Variants in VPS53 observed in about 807,000 individuals in gnomAD.
The protein encoded by VPS53 is VPS53 subunit of GARP complex, also known as vacuolar protein sorting-associated protein 53 homolog.
VPS53 carries 70 observed loss-of-function variants against 107.0 expected under a neutral mutation model. That is an observed-to-expected ratio of 0.65 (90% CI 0.54 to 0.80). VPS53 has a LOEUF of 0.80. Ranked by LOEUF, VPS53 falls within the 30% of genes least tolerant of loss-of-function variation. The pLI, the probability that VPS53 is intolerant of heterozygous loss-of-function variation, is 0.00. For synonymous variants in VPS53, 409 were observed against 393.3 expected, an observed-to-expected ratio of 1.04 and a Z score of -0.47; for missense variants, 917 against 1,049.4, an observed-to-expected ratio of 0.87 and a Z score of 1.74.
At chr17:676,338 T>A (rs1205054607) in intron 4 of VPS53, 4 of 152,248 alleles carry the variant, frequency 2.6e-5, no homozygotes, top group African/African-American at 9.6e-5. Flanking sequence ...CTCAGTGACT[T>A]CTTGTATCAA....
chr17:658,698 CGTGAGTT>C (rs1971315623), intron 5 of VPS53, among the ~76,000 whole-genome samples: 2 of 143,978 alleles, frequency 1.4e-5, no homozygotes, highest in South Asian at 4.6e-4. Context: ...GACACTCGGC[CGTGAGTT>C]CGTGGATAGA....
intron 2 of VPS53, among the ~76,000 whole-genome samples, chr17:707,387 G>A (rs1973447631): frequency 1.3e-5 from 2 of 151,750 alleles, no homozygotes; most frequent in South Asian, 2.1e-4. Context: ...CCGCGTAGTG[G>A]CAGGCCCCTG....
chr17:687,078 A>C (rs1305837896), intron 4 of VPS53, among the ~76,000 whole-genome samples: 1 of 152,166 alleles, frequency 6.6e-6, no homozygotes, highest in Non-Finnish European at 1.5e-5. Context: ...TGAGATCAGA[A>C]GTTCAAGACC....
intron 12 of VPS53, among the ~76,000 whole-genome samples, chr17:599,762 A>AT (rs957536815): frequency 5.0e-5 from 6 of 120,506 alleles, no homozygotes; most frequent in Admixed American, 8.2e-5. Context: ...AAATAAATAA[A>AT]TTAAAAAAAA....
chr17:630,286 C>T lies in VPS53; in HGVS notation c.687+1264G>A, dbSNP rs111235896. On this transcript the variant is annotated intron_variant, in intron 8 of 21. Coordinates refer to ENST00000437048, the MANE Select transcript of VPS53 (RefSeq NM_001128159.3). ...TAGCCTGGGCCAAAGAGTGAAACTCCGTCAAAAAAAAAACAAACAAACAAA... is the reference window on the plus strand; with the variant it reads ...TAGCCTGGGCCAAAGAGTGAAACTCTGTCAAAAAAAAAACAAACAAACAAA... Among the ~76,000 whole-genome samples the T allele has an allele frequency of 9.9e-3, 1,484 of 150,118 alleles. 26 individuals are homozygous for T. The highest frequency in any genetic ancestry group is 0.034 in the African/African-American group (1,386 of 40,728).
At chr17:565,763 TC>T (rs981865304) in intron 13 of VPS53, among the ~76,000 whole-genome samples, 4 of 152,068 alleles carry the variant, frequency 2.6e-5, no homozygotes, top group African/African-American at 9.7e-5. Context: ...CTGTGTGACG[TC>T]CTGGCCAAAA....
intron 17 of VPS53, among the ~76,000 whole-genome samples, chr17:539,678 T>G (rs1910445104): frequency 6.6e-6 from 1 of 152,208 alleles, no homozygotes; most frequent in African/African-American, 2.4e-5. Context: ...CAGCCTCAGA[T>G]GGCTGATGCT....
rs547730434 is a variant in VPS53 at position 633,911 on chromosome 17, A to G, written c.609-2283T>C. Reference sequence around the variant, plus strand: ...GGTGCCAGGTCACAGGACAGCTTCCAGAGGCTCAGGCCCCCCCTGTTCCTA... The same window carrying G: ...GGTGCCAGGTCACAGGACAGCTTCCGGAGGCTCAGGCCCCCCCTGTTCCTA... On this transcript the variant is annotated intron_variant, in intron 7 of 21. Coordinates refer to ENST00000437048, the MANE Select transcript of VPS53 (RefSeq NM_001128159.3). Among the ~76,000 whole-genome samples the G allele has an allele frequency of 6.6e-5, 10 of 152,346 alleles. No individual in the cohort carries two copies. In the South Asian group the frequency reaches 1.9e-3, roughly 28 times the overall value.
At chr17:565,419 A>G (rs867732076) in intron 13 of VPS53, among the ~76,000 whole-genome samples, 8 of 151,436 alleles carry the variant, frequency 5.3e-5, no homozygotes, top group East Asian at 1.9e-4. Context: ...AAAAAAAAAA[A>G]AAAAAAAGAA....
chr17:695,291 T>G (rs982122323), intron 4 of VPS53, among the ~76,000 whole-genome samples: 1 of 152,156 alleles, frequency 6.6e-6, no homozygotes, highest in Non-Finnish European at 1.5e-5. Context: ...TCTGATTCCT[T>G]GGTGTATTCA....
chr17:654,666 G>A (rs1193451660), intron 6 of VPS53, among the ~76,000 whole-genome samples: 1 of 150,090 alleles, frequency 6.7e-6, no homozygotes, highest in African/African-American at 2.5e-5. Context: ...GAACCCGGGA[G>A]GCGGAGCTTG....
In VPS53 at chr17:560,450, C is replaced by G; in HGVS notation, c.1680G>C (p.Glu560Asp). ...CCTGCTGGGTGGTGGCCAGACAGTA[C>G]TCTGCCGTGCTCAGGATGTTACAGA... ...CLICNILSTA[E>D]YCLATTQQLE... Residue 560 changes from glutamate (E) to aspartate (D), a missense_variant, in exon 15 of 22, where the codon GAG (glutamate) becomes GAC (aspartate). By Grantham distance (45) the Glu-to-Asp change is conservative. Transcript: ENST00000437048. 1 of 1,612,498 alleles carries G rather than the reference C, an allele frequency of 6.2e-7. No homozygotes were observed. Among genetic ancestry groups the G allele is most frequent in the Non-Finnish European group, 8.5e-7 (1 of 1,179,958 alleles).
At chr17:629,505 C>A (rs1056452007) in intron 8 of VPS53, among the ~76,000 whole-genome samples, 5 of 152,098 alleles carry the variant, frequency 3.3e-5, no homozygotes, top group Non-Finnish European at 5.9e-5. Flanking sequence ...CGCCTGTAAT[C>A]CCAGCACTTT....
intron 3 of VPS53, 69 bp downstream of exon 3, chr17:699,262 C>T (rs1973107208): frequency 1.5e-6 from 2 of 1,298,540 alleles, no homozygotes; most frequent in African/African-American, 3.1e-5. Flanking sequence ...AAATGTGATC[C>T]AGAATGTGAT....
chr17:565,848 A>G (rs1913451328), intron 13 of VPS53, among the ~76,000 whole-genome samples: 2 of 152,190 alleles, frequency 1.3e-5, no homozygotes, highest in Non-Finnish European at 1.5e-5. Flanking sequence ...AACTTCTGTC[A>G]TCTGCCACCC....
chr17:627,763 G>A (rs1377630639), intron 9 of VPS53, among the ~76,000 whole-genome samples: 7 of 103,474 alleles, frequency 6.8e-5, no homozygotes, highest in African/African-American at 2.3e-4. Flanking sequence ...CAACAAGAGC[G>A]AAACTCCGTC....
rs1973597578 is a variant in VPS53, at chr17:710,518, T to C, written c.168+15A>G. The C allele has an allele frequency of 1.2e-6, 2 of 1,607,218 alleles. No homozygotes were observed. The highest frequency in any genetic ancestry group is 2.7e-5 in the African/African-American group (2 of 74,638). On this transcript the variant is annotated intron_variant, in intron 2 of 21. Transcript: ENST00000437048. ...AAAAGCTGCTGAAAGGAAGGAAACC[T>C]GAAACTCTACTTACTTGCTCGGTTG...
intron 4 of VPS53, among the ~76,000 whole-genome samples, chr17:662,238 A>AG (rs923746010): frequency 3.0e-4 from 46 of 152,228 alleles, no homozygotes; most frequent in African/African-American, 1.1e-3. Context: ...ACAGAGGGAC[A>AG]GGGGTAGCTC....
Position 645,609 on chromosome 17 carries a change from C to T in VPS53, c.608+7682G>A, listed in dbSNP as rs185033610. Among the ~76,000 whole-genome samples the T allele has an allele frequency of 1.1e-4, 16 of 152,252 alleles. No homozygotes were observed. In the East Asian group the frequency reaches 2.1e-3, roughly 20 times the overall value. ...TACAGTGGTGTGAAGATCTGGTCTT[C>T]GTTTTCTTCTAAGAGTTTTAGAATT... On this transcript the variant is annotated intron_variant, in intron 7 of 21. Transcript: ENST00000437048.
Sources: gnomAD v4.1 joint callset for allele counts (sites outside exome capture counted in the v4.1 genomes callset) on GRCh38, gnomAD v4.1.1 for gene constraint, MANE v1.5 for transcripts, NCBI Gene and HGNC (gene_info 2026-07-23, HGNC 2026-07-21) for gene names.